Variants in SLC27A2 observed in about 807,000 individuals in gnomAD.
The protein encoded by SLC27A2 is solute carrier family 27 member 2, also known as long-chain fatty acid transport protein 2.
A neutral mutation model predicts 60.0 loss-of-function variants in SLC27A2; 54 were observed. The observed-to-expected ratio is 0.90, with a 90% CI of 0.72 to 1.13. SLC27A2 has a LOEUF of 1.13. Ranked by LOEUF, SLC27A2 falls within the 50% of genes most tolerant of loss-of-function variation. The probability of loss-of-function intolerance (pLI) is 0.00; values close to 1 mark genes in which losing one functional copy is unlikely to be tolerated. For synonymous variants in SLC27A2, 297 were observed against 297.6 expected (o/e 1.00, Z 0.02); for missense variants, 739 against 777.6 (o/e 0.95, Z 0.59).
chr15:50,211,822 A>G (rs918579358), intron 4 of SLC27A2, among the ~76,000 whole-genome samples: 1 of 152,168 alleles, frequency 6.6e-6, no homozygotes, highest in Non-Finnish European at 1.5e-5. Flanking sequence ...CTGTAATCCC[A>G]GCACTTTGGG....
intron 1 of SLC27A2, among the ~76,000 whole-genome samples, chr15:50,193,364 G>A (rs567886766): frequency 2.6e-4 from 39 of 152,280 alleles, no homozygotes; most frequent in Admixed American, 2.3e-3. Flanking sequence ...CAGGGAGAGC[G>A]TTTTGCTCAC....
chr15:50,224,707 T>G (rs2045267669), intron 5 of SLC27A2, among the ~76,000 whole-genome samples: 1 of 152,210 alleles, frequency 6.6e-6, no homozygotes, highest in Non-Finnish European at 1.5e-5. Flanking sequence ...TACTTAAATT[T>G]AAGTTATATT....
Position 50,235,909 on chromosome 15 carries a change from A to T in SLC27A2, c.1687-11A>T. The stretch of plus-strand genomic sequence containing the variant: ...ATGCAACCAAAATGTGGATTATTTG[A>T]TGTTTTTCAGGACACCATTGAGATC... On this transcript the variant is annotated splice_polypyrimidine_tract_variant and intron_variant, in intron 9 of 9. Coordinates refer to ENST00000267842, the MANE Select transcript of SLC27A2 (RefSeq NM_003645.4). 6.2e-7 allele frequency: 1 copy of T among 1,600,630 alleles called. No homozygotes were observed. The highest frequency in any genetic ancestry group is 8.5e-7 in the Non-Finnish European group (1 of 1,170,240).
In SLC27A2 at chr15:50,227,172, C is replaced by A. The variant is rs753874395; in HGVS notation, c.1451C>A (p.Thr484Lys). Residue 484 changes from threonine (T) to lysine (K), a missense_variant, in exon 7 of 10, where the codon ACA becomes AAA. Physicochemically the swap from Thr to Lys is moderately conservative, Grantham distance 78 (BLOSUM62 -1). Coordinates refer to ENST00000267842, the MANE Select transcript of SLC27A2 (RefSeq NM_003645.4). Reference protein sequence around the residue: ...FIYFHDRVGDTFRWKGENVAT... With the variant: ...FIYFHDRVGDKFRWKGENVAT... ...TATTTCCACGACAGAGTTGGAGATA[C>A]ATTCCGGTTGGTTTTTCTGAATCAT... The A allele has an allele frequency of 1.2e-6, 2 of 1,613,142 alleles. No homozygotes were observed. Among genetic ancestry groups the A allele is most frequent in the East Asian group, 4.5e-5 (2 of 44,874 alleles).
In SLC27A2 at chr15:50,182,608, G is replaced by A. The variant is rs371933028; in HGVS notation, c.181G>A (p.Glu61Lys). ...PARTILRAFL[E>K]KARQTPHKPF... ...GCGCACCATCCTGCGGGCGTTCCTG[G>A]AGAAAGCGCGCCAGACGCCACACAA... Residue 61 changes from glutamate (E) to lysine (K), a missense_variant, in exon 1 of 10, where the codon GAG becomes AAG. Coordinates refer to ENST00000267842, the MANE Select transcript of SLC27A2 (RefSeq NM_003645.4). The A allele has an allele frequency of 1.3e-5, 21 of 1,613,782 alleles. No individual in the cohort carries two copies. The highest frequency in any genetic ancestry group is 1.8e-5 in the Non-Finnish European group (21 of 1,179,798).
intron 1 of SLC27A2, among the ~76,000 whole-genome samples, chr15:50,191,526 G>T (rs907588176): frequency 6.6e-6 from 1 of 152,150 alleles, no homozygotes; most frequent in Non-Finnish European, 1.5e-5. Context: ...TAGAGGATCT[G>T]CTGAGGGAGA....
At chr15:50,212,700 A>G (rs1671716229) in intron 4 of SLC27A2, among the ~76,000 whole-genome samples, 1 of 152,246 alleles carries the variant, frequency 6.6e-6, no homozygotes, top group Admixed American at 6.5e-5. Flanking sequence ...AGCATCATAT[A>G]TGAAGAAAAG....
intron 1 of SLC27A2, among the ~76,000 whole-genome samples, chr15:50,190,478 G>A (rs567961279): frequency 4.0e-4 from 61 of 152,118 alleles, no homozygotes; most frequent in Non-Finnish European, 7.1e-4. Context: ...TAGACTGAAT[G>A]TTTTCCTATT....
At chr15:50,188,763 C>T (rs1169704114) in intron 1 of SLC27A2, among the ~76,000 whole-genome samples, 1 of 152,170 alleles carries the variant, frequency 6.6e-6, no homozygotes, top group African/African-American at 2.4e-5. Context: ...AGTTGGAGAC[C>T]AGCCTGGCCA....
intron 8 of SLC27A2, among the ~76,000 whole-genome samples, chr15:50,229,412 G>A (rs1240784816): frequency 2.0e-5 from 3 of 152,244 alleles, no homozygotes; most frequent in Non-Finnish European, 2.9e-5. Context: ...GCAGTTGCTA[G>A]AAGAAAAAGC....
At chr15:50,191,974 C>T (rs755829370) in intron 1 of SLC27A2, among the ~76,000 whole-genome samples, 6 of 151,536 alleles carry the variant, frequency 4.0e-5, no homozygotes, top group Non-Finnish European at 5.9e-5. Context: ...GCAGGAGAGC[C>T]GCTTGAACCC....
rs2044860979 is a variant in SLC27A2 at position 50,182,357 on chromosome 15, GC to G, written c.-68del. On this transcript the variant is annotated 5_prime_UTR_variant, in exon 1 of 10. Transcript: ENST00000267842. ...CAGCCCGCCAGTCCGCCCGGAGCCC[GC>G]CCAGTCGCCGCGCTGCACGCCCGGG... The G allele has an allele frequency of 7.1e-7, 1 of 1,400,376 alleles. No individual in the cohort carries two copies. 86.7% of individuals were successfully genotyped at this position (1,400,376 alleles called of 1,614,324 possible).
chr15:50,182,745 C>T lies in SLC27A2; in HGVS notation c.318C>T (p.Cys106=), dbSNP rs745401039. 1.5e-5 allele frequency: 25 copies of T among 1,613,880 alleles called. No homozygotes were observed. The South Asian group carries it at 2.5e-4, about 16-fold the overall frequency. The change falls in exon 1 of 10, where the codon TGC becomes TGT. Residue 106 remains cysteine, a synonymous_variant. Transcript: ENST00000267842. ...ACCTCGGCCTGCGCCAGGGAGACTG[C>T]GTGGCGCTCCTTATGGGTAACGAGC... The part of the protein sequence containing the change: ...HDHLGLRQGD[C]VALLMGNEPA...
At chr15:50,205,387 T>C (rs778193918) in intron 4 of SLC27A2, 24 bp downstream of exon 4, 1 of 1,589,652 alleles carries the variant, frequency 6.3e-7, no homozygotes, top group Admixed American at 1.7e-5. Flanking sequence ...CGTTTTACTA[T>C]CATTTTGAAA....
chr15:50,223,161 T>A lies in SLC27A2; in HGVS notation c.1167+2T>A. 6.2e-7 allele frequency: 1 copy of A among 1,604,968 alleles called. No homozygotes were observed. The highest frequency in any genetic ancestry group is 1.3e-5 in the African/African-American group (1 of 74,702). ...GGAAGAGTAAACTACCTACAGAAAG[T>A]AAGTACATTGAAAAATGAGAGCATA... On this transcript the variant is annotated splice_donor_variant, in intron 5 of 9. Coordinates refer to ENST00000267842, the MANE Select transcript of SLC27A2 (RefSeq NM_003645.4). LOFTEE classifies it high-confidence loss of function.
chr15:50,227,757 G>A (rs2045288031), intron 7 of SLC27A2, among the ~76,000 whole-genome samples: 1 of 152,156 alleles, frequency 6.6e-6, no homozygotes, highest in South Asian at 2.1e-4. Flanking sequence ...ACTCCCTGAG[G>A]GCAGGCCCTG....
In SLC27A2 at chr15:50,197,694, ACTT is replaced by A. The variant is rs1285186405; in HGVS notation, c.676_678del (p.Ser226del). The A allele has an allele frequency of 3.7e-6, 6 of 1,611,846 alleles. No homozygotes were observed. In the South Asian group the frequency reaches 6.6e-5, roughly 18 times the overall value. ...TTCCACTCCTGCCTTATACATTTAT[ACTT>A]CTGGAACCACAGGTAAAAATAAAGG... On this transcript the variant is annotated inframe_deletion, in exon 2 of 10. Transcript: ENST00000267842.
At chr15:50,203,264 A>G (rs2140902630) in intron 3 of SLC27A2, among the ~76,000 whole-genome samples, 1 of 152,144 alleles carries the variant, frequency 6.6e-6, no homozygotes, top group Non-Finnish European at 1.5e-5. Flanking sequence ...AGAAACTTGC[A>G]TGTTAATCTC....
intron 3 of SLC27A2, among the ~76,000 whole-genome samples, chr15:50,204,947 T>C (rs1461729039): frequency 1.3e-5 from 2 of 148,270 alleles, no homozygotes; most frequent in African/African-American, 4.9e-5. Flanking sequence ...TTGCATGAAA[T>C]CTCTTTCCCT....
Sources: allele counts gnomAD v4.1 joint callset (sites outside exome capture counted in the v4.1 genomes callset), GRCh38; gene constraint gnomAD v4.1.1; transcripts MANE v1.5; gene names NCBI Gene and HGNC (gene_info 2026-07-23, HGNC 2026-07-21).